SCHIP1: variants seen among roughly 807,000 people sequenced by gnomAD.
SCHIP1 encodes the protein schwannomin-interacting protein 1.
A neutral mutation model predicts 29.7 loss-of-function variants in SCHIP1; 8 were observed. That is an observed-to-expected ratio of 0.27 (90% CI 0.16 to 0.49). SCHIP1 has a LOEUF of 0.49. Ranked by LOEUF, SCHIP1 falls within the 20% of genes least tolerant of loss-of-function variation. The pLI is 0.99. For synonymous variants in SCHIP1, 76 were observed against 94.9 expected, an observed-to-expected ratio of 0.80 and a Z score of 1.16; for missense variants, 193 against 294.6, an observed-to-expected ratio of 0.66 and a Z score of 2.52.
the SCHIP1 span, among the ~76,000 whole-genome samples, chr3:159,542,988 C>T: frequency 4.0e-4 from 60 of 151,734 alleles, no homozygotes; most frequent in African/African-American, 1.2e-3. Flanking sequence ...CTATTCCAAG[C>T]GCCAGGAACT....
the SCHIP1 span, among the ~76,000 whole-genome samples, chr3:159,580,945 G>A: frequency 1.3e-5 from 2 of 152,118 alleles, no homozygotes. Flanking sequence ...TTCATAAGGT[G>A]GCAGGGCATT....
At chr3:159,425,955 C>T in the SCHIP1 span, among the ~76,000 whole-genome samples, 17 of 152,160 alleles carry the variant, frequency 1.1e-4, no homozygotes, top group South Asian at 4.2e-4. Context: ...GGGTACATAA[C>T]GAAATGAAGG....
the SCHIP1 span, among the ~76,000 whole-genome samples, chr3:159,504,931 TA>T: frequency 6.6e-6 from 1 of 152,084 alleles, no homozygotes; most frequent in Non-Finnish European, 1.5e-5. Flanking sequence ...GCATAACACA[TA>T]ACTTAAGGGA....
the SCHIP1 span, among the ~76,000 whole-genome samples, chr3:159,598,082 A>G: frequency 0.2 from 30,886 of 151,846 alleles, 8,560 homozygotes; most frequent in African/African-American, 0.63. Flanking sequence ...TGACCCCATG[A>G]TCCAATCACC....
chr3:159,311,241 A>G, the SCHIP1 span, among the ~76,000 whole-genome samples: 8 of 152,202 alleles, frequency 5.3e-5, no homozygotes, highest in African/African-American at 1.9e-4. Context: ...TCTTAAAGCT[A>G]TCTCTAAGGA....
At chr3:159,475,343 A>C in the SCHIP1 span, among the ~76,000 whole-genome samples, 2 of 152,192 alleles carry the variant, frequency 1.3e-5, no homozygotes, top group African/African-American at 4.8e-5. Flanking sequence ...ATATTGTATA[A>C]TTCAGTTTAT....
upstream of SCHIP1, among the ~76,000 whole-genome samples, chr3:159,835,813 C>T (rs1179439767): frequency 2.0e-5 from 3 of 152,070 alleles, no homozygotes; most frequent in Non-Finnish European, 2.9e-5. Flanking sequence ...ACTGTATGCT[C>T]GATGGCCTGA....
At chr3:159,891,507 T>A (rs1256579212) in intron 5 of SCHIP1, among the ~76,000 whole-genome samples, 1 of 152,214 alleles carries the variant, frequency 6.6e-6, no homozygotes, top group Non-Finnish European at 1.5e-5. Flanking sequence ...CCCTGTTGTT[T>A]AGAAATTTCA....
chr3:159,376,282 C>T, the SCHIP1 span, among the ~76,000 whole-genome samples: 7 of 152,064 alleles, frequency 4.6e-5, no homozygotes, highest in African/African-American at 1.4e-4. Context: ...GCAGTCTTCA[C>T]GAGAAAGAGA....
the SCHIP1 span, among the ~76,000 whole-genome samples, chr3:159,553,952 C>T: frequency 6.7e-6 from 1 of 150,004 alleles, no homozygotes; most frequent in Admixed American, 6.6e-5. Flanking sequence ...AGGCTCCTGA[C>T]ACCACGCCCA....
chr3:159,494,906 C>G, the SCHIP1 span, among the ~76,000 whole-genome samples: 14 of 152,210 alleles, frequency 9.2e-5, no homozygotes, highest in African/African-American at 1.2e-4. Flanking sequence ...AGCTTATCCA[C>G]TATGATCAAG....
chr3:159,398,249 C>T, the SCHIP1 span, among the ~76,000 whole-genome samples: 12 of 152,226 alleles, frequency 7.9e-5, no homozygotes, highest in Non-Finnish European at 1.0e-4. Context: ...GAGATGAACC[C>T]GGTACCTCAG....
At chr3:159,625,271 T>A in the SCHIP1 span, among the ~76,000 whole-genome samples, 2 of 152,118 alleles carry the variant, frequency 1.3e-5, no homozygotes, top group Non-Finnish European at 2.9e-5. Flanking sequence ...ATAATACCAA[T>A]CACACCTGCC....
the SCHIP1 span, among the ~76,000 whole-genome samples, chr3:159,276,251 C>A: frequency 6.6e-6 from 1 of 152,150 alleles, no homozygotes; most frequent in East Asian, 1.9e-4. Flanking sequence ...AGGAGAAGTT[C>A]CAGTAGGGAA....
the SCHIP1 span, among the ~76,000 whole-genome samples, chr3:159,629,298 G>GAAAAAC: frequency 1.2e-4 from 18 of 152,010 alleles, no homozygotes; most frequent in Non-Finnish European, 2.5e-4. Context: ...AAAAGAAAAA[G>GAAAAAC]AAAAACAAAA....
At chr3:159,729,154 GAAAAGAAAAGAAA>G in the SCHIP1 span, among the ~76,000 whole-genome samples, 12 of 151,278 alleles carry the variant, frequency 7.9e-5, no homozygotes, top group South Asian at 2.1e-4. Context: ...CTAAAAAAAA[GAAAAGAAAAGAAA>G]AAAAGAAAAG....
the SCHIP1 span, among the ~76,000 whole-genome samples, chr3:159,627,170 G>A: frequency 2.0e-5 from 3 of 152,090 alleles, no homozygotes; most frequent in African/African-American, 7.2e-5. Context: ...GAGAATGATG[G>A]TTTTCAGCTT....
the SCHIP1 span, among the ~76,000 whole-genome samples, chr3:159,729,173 A>G: frequency 1.3e-5 from 2 of 152,086 alleles, no homozygotes; most frequent in Non-Finnish European, 2.9e-5. Context: ...AGAAAAAAAG[A>G]AAAGAAAAGA....
the SCHIP1 span, among the ~76,000 whole-genome samples, chr3:159,497,407 C>T: frequency 6.6e-6 from 1 of 151,788 alleles, no homozygotes; most frequent in Non-Finnish European, 1.5e-5. Flanking sequence ...TTATTGAGGG[C>T]CTAAGATGTG....
Sources: allele counts gnomAD v4.1 joint callset (sites outside exome capture counted in the v4.1 genomes callset), GRCh38; gene constraint gnomAD v4.1.1; transcripts MANE v1.5; gene names NCBI Gene and HGNC (gene_info 2026-07-23, HGNC 2026-07-21).